PTP4A3: variants seen among roughly 807,000 people sequenced by gnomAD.
The protein encoded by PTP4A3 is protein tyrosine phosphatase 4A3.
A neutral mutation model predicts 15.2 loss-of-function variants in PTP4A3; 9 were observed. That is an observed-to-expected ratio of 0.59 (90% confidence interval 0.36 to 1.03). The LOEUF is 1.03. Ranked by LOEUF, PTP4A3 falls within the 50% of genes least tolerant of loss-of-function variation. The probability of loss-of-function intolerance (pLI) is 0.02; values close to 1 mark genes in which losing one functional copy is unlikely to be tolerated. For synonymous variants in PTP4A3, 95 were observed against 102.0 expected (o/e 0.93, Z 0.41); for missense variants, 234 against 252.1 (o/e 0.93, Z 0.49).
chr8:141,396,342 G>A (rs1483298494), intron 1 of PTP4A3, among the ~76,000 whole-genome samples: 1 of 152,236 alleles, frequency 6.6e-6, no homozygotes, highest in Non-Finnish European at 1.5e-5. Context: ...ACTGCTGGGA[G>A]GAGAGCAGGA....
Position 141,408,111 on chromosome 8 carries a change from G to A in PTP4A3, c.-853-13277G>A, listed in dbSNP as rs138948721. ...CCAGGAGAAGCGAAAGGAACCAGGCGCAGAGGGCCACGTGGTGTGTGAGGC... is the reference window on the plus strand; with the variant it reads ...CCAGGAGAAGCGAAAGGAACCAGGCACAGAGGGCCACGTGGTGTGTGAGGC... On this transcript the variant is annotated intron_variant, in intron 1 of 5. Transcript: ENST00000521578. Among the ~76,000 whole-genome samples, 9 of 152,308 alleles carry A rather than the reference G, an allele frequency of 5.9e-5. No individual in the cohort carries two copies. In the East Asian group the frequency reaches 7.7e-4, roughly 13 times the overall value.
intron 1 of PTP4A3, among the ~76,000 whole-genome samples, chr8:141,411,619 T>A (rs1214870928): frequency 6.6e-6 from 1 of 152,210 alleles, no homozygotes; most frequent in African/African-American, 2.4e-5. Flanking sequence ...GGGCTGGCTA[T>A]TTTGGACGTG....
In PTP4A3 at chr8:141,425,772, C is replaced by T. The variant is rs1047517549; in HGVS notation, c.198+632C>T. 1.3e-5 allele frequency among the ~76,000 whole-genome samples: 2 copies of T among 152,238 alleles called. No individual in the cohort carries two copies. Among genetic ancestry groups the T allele is most frequent in the Non-Finnish European group, 2.9e-5 (2 of 68,034 alleles). ...AGTGCGGAGCACCCCTCAGTCACTG[C>T]TTTTCATCCCAGGACTCTGCTTTTG... is the stretch of plus-strand genomic sequence containing the variant. On this transcript the variant is annotated intron_variant, in intron 3 of 5. Transcript: ENST00000521578. The surrounding 1 kb of genome is among the most constrained non-coding windows in gnomAD (Gnocchi z 4.2).
chr8:141,408,085 G>A (rs949273896), intron 1 of PTP4A3, among the ~76,000 whole-genome samples: 2 of 152,190 alleles, frequency 1.3e-5, no homozygotes, highest in East Asian at 1.9e-4. Context: ...CCTTTACGAC[G>A]CCAGGAGAAG....
At position 141,426,578 on chromosome 8, in the gene PTP4A3, G is replaced by T. The variant is rs1036774561; in HGVS notation, c.199-361G>T. 3 of 985,330 alleles carry T rather than the reference G, an allele frequency of 3.0e-6. No homozygotes were observed. The African/African-American group carries it at 5.2e-5, about 17-fold the overall frequency. 61.0% of individuals were successfully genotyped at this position (985,330 alleles called of 1,614,324 possible). A position where few individuals can be genotyped will look rare whatever the true frequency, so the allele number is the denominator to read the frequency against. ...CCCAAAACCTCTCAGGCTGCCACCG[G>T]CACACAGGCGTGAGGGATTGTGACC... is the stretch of plus-strand genomic sequence containing the variant. On this transcript the variant is annotated intron_variant, in intron 3 of 5. Coordinates refer to ENST00000521578, the MANE Select transcript of PTP4A3 (RefSeq NM_032611.3).
chr8:141,426,713 G>A, intron 3 of PTP4A3: 1 of 970,200 alleles, frequency 1.0e-6, no homozygotes, highest in Non-Finnish European at 1.2e-6. Flanking sequence ...CCTGGAGGAG[G>A]GGATAGCTGC....
chr8:141,402,276 C>T (rs1832612485), intron 1 of PTP4A3, among the ~76,000 whole-genome samples: 1 of 152,146 alleles, frequency 6.6e-6, no homozygotes, highest in Non-Finnish European at 1.5e-5. Flanking sequence ...CTGCAGAACC[C>T]CTCTCTCCAC....
chr8:141,417,975 G>T (rs1481577497), intron 1 of PTP4A3, among the ~76,000 whole-genome samples: 1 of 151,910 alleles, frequency 6.6e-6, no homozygotes, highest in Admixed American at 6.6e-5. Flanking sequence ...CGTGGGCACC[G>T]CCAGGCCGGC....
intron 1 of PTP4A3, among the ~76,000 whole-genome samples, chr8:141,403,076 G>A (rs957705655): frequency 5.9e-5 from 9 of 152,194 alleles, no homozygotes; most frequent in South Asian, 4.1e-4. Context: ...CCTCTGATTC[G>A]GAGGGAGTGA....
intron 1 of PTP4A3, among the ~76,000 whole-genome samples, chr8:141,414,621 TG>T (rs55699226): frequency 0.1 from 12,108 of 119,838 alleles, 579 homozygotes; most frequent in Middle Eastern, 0.23. Context: ...AGCCCTGGAC[TG>T]GGGGGGGGGT....
chr8:141,424,342 C>T (rs1437806499), intron 2 of PTP4A3, among the ~76,000 whole-genome samples: 1 of 152,140 alleles, frequency 6.6e-6, no homozygotes, highest in Non-Finnish European at 1.5e-5. Flanking sequence ...TGTGAACTAC[C>T]ACCACCTTTT....
intron 1 of PTP4A3, among the ~76,000 whole-genome samples, chr8:141,408,883 G>A (rs1012004129): frequency 5.3e-5 from 8 of 152,252 alleles, no homozygotes; most frequent in Non-Finnish European, 1.0e-4. Context: ...AGACTAGAGT[G>A]AGAAGGCCCT....
At position 141,425,272 on chromosome 8, in the gene PTP4A3, G is replaced by C; in HGVS notation, c.198+132G>C. The stretch of plus-strand genomic sequence containing the variant: ...CTGGGCATGTCTGTGCCTGGGCCAC[G>C]TGTGTGTCTGGGTACATCAAGGGAA... On this transcript the variant is annotated intron_variant, in intron 3 of 5. Coordinates refer to ENST00000521578, the MANE Select transcript of PTP4A3 (RefSeq NM_032611.3). This position sits in a 1 kb window ranked among gnomAD's most constrained non-coding sequence, Gnocchi z 4.2. 2 of 896,838 alleles carry C rather than the reference G, an allele frequency of 2.2e-6. No homozygotes were observed. The highest frequency in any genetic ancestry group is 3.4e-6 in the Non-Finnish European group (2 of 581,830). 55.6% of individuals were successfully genotyped at this position (896,838 alleles called of 1,614,324 possible).
chr8:141,401,037 CA>C (rs970360932), intron 1 of PTP4A3, among the ~76,000 whole-genome samples: 1 of 152,212 alleles, frequency 6.6e-6, no homozygotes, highest in African/African-American at 2.4e-5. Flanking sequence ...CCTGGGGACC[CA>C]GGACCTGACG....
At chr8:141,416,486 C>T (rs950707666) in intron 1 of PTP4A3, among the ~76,000 whole-genome samples, 1 of 152,084 alleles carries the variant, frequency 6.6e-6, no homozygotes, top group Non-Finnish European at 1.5e-5. Context: ...GGGCAGAGTC[C>T]CTGAAGCTGA....
intron 2 of PTP4A3, among the ~76,000 whole-genome samples, chr8:141,424,353 C>T (rs1833470422): frequency 6.6e-6 from 1 of 152,152 alleles, no homozygotes; most frequent in South Asian, 2.1e-4. Flanking sequence ...ACCACCTTTT[C>T]CCTGGTCGTG....
chr8:141,430,816 C>A, intron 5 of PTP4A3, 111 bp from the exon 6 acceptor site: 1 of 1,027,162 alleles, frequency 9.7e-7, no homozygotes, highest in Non-Finnish European at 1.5e-6. Context: ...CTTGGCCAGC[C>A]TCAAGGCCTT....
chr8:141,393,967 A>G (rs1832372440), intron 1 of PTP4A3, among the ~76,000 whole-genome samples: 1 of 152,220 alleles, frequency 6.6e-6, no homozygotes, highest in Non-Finnish European at 1.5e-5. Flanking sequence ...TCTGTGGTGT[A>G]ACTACTCCCA....
chr8:141,427,120 C>G (rs200495893), intron 4 of PTP4A3, 51 bp downstream of exon 4: 3 of 1,576,712 alleles, frequency 1.9e-6, no homozygotes, highest in Non-Finnish European at 2.6e-6. Context: ...TTGGGCATCT[C>G]GTGGTCTGAC....
Sources: allele counts gnomAD v4.1 joint callset (sites outside exome capture counted in the v4.1 genomes callset), GRCh38; gene constraint gnomAD v4.1.1; non-coding constraint Gnocchi (gnomAD v3.1); transcripts MANE v1.5; gene names NCBI Gene and HGNC (gene_info 2026-07-23, HGNC 2026-07-21).